The following KLHDC10 variants were observed in gnomAD, a reference collection of about 807,000 sequenced individuals.
KLHDC10 encodes kelch domain-containing protein 10.
In KLHDC10, 24 loss-of-function variants were observed where a neutral mutation model predicts 56.1. That is an observed-to-expected ratio of 0.43 (90% CI 0.31 to 0.60). The LOEUF is 0.60. Ranked by LOEUF, KLHDC10 falls within the 20% of genes least tolerant of loss-of-function variation. The probability of loss-of-function intolerance (pLI) is 0.11; values close to 1 mark genes in which losing one functional copy is unlikely to be tolerated. For missense variants in KLHDC10, 349 were observed against 567.0 expected, an observed-to-expected ratio of 0.62 and a Z score of 3.91; for synonymous variants, 188 against 207.1, an observed-to-expected ratio of 0.91 and a Z score of 0.79.
At chr7:130,117,258 G>C (rs1016601007) in intron 3 of KLHDC10, among the ~76,000 whole-genome samples, 6 of 152,188 alleles carry the variant, frequency 3.9e-5, no homozygotes, top group Non-Finnish European at 4.4e-5. Context: ...TCTTGATGTT[G>C]GTGGCAGCTG....
chr7:130,113,899 G>A (rs908973010), intron 2 of KLHDC10, among the ~76,000 whole-genome samples: 5 of 152,174 alleles, frequency 3.3e-5, no homozygotes, highest in Non-Finnish European at 7.4e-5. Flanking sequence ...GTTCCTGTCT[G>A]CTGAACATAG....
rs1796167853 is a variant in KLHDC10, at chr7:130,116,356, C to T, written c.254-89C>T. On this transcript the variant is annotated intron_variant, in intron 2 of 9. Coordinates refer to ENST00000335420, the MANE Select transcript of KLHDC10 (RefSeq NM_014997.4). This position sits in a 1 kb window ranked among gnomAD's most constrained non-coding sequence, Gnocchi z 4.8. Reference sequence around the variant, plus strand: ...CATGTTATAAATCCTTCCTGGTCCCCTTTTATGGCTAAAATGGTTGTTACC... The same window carrying T: ...CATGTTATAAATCCTTCCTGGTCCCTTTTTATGGCTAAAATGGTTGTTACC... 3 of 942,374 alleles carry T rather than the reference C, an allele frequency of 3.2e-6. No homozygotes were observed. Among genetic ancestry groups the T allele is most frequent in the African/African-American group, 1.6e-5 (1 of 61,202 alleles). The allele number at this position is 942,374 out of a possible 1,614,324, so 58.4% of individuals were successfully genotyped here.
At chr7:130,101,388 T>C (rs535913382) in intron 2 of KLHDC10, among the ~76,000 whole-genome samples, 5 of 152,172 alleles carry the variant, frequency 3.3e-5, no homozygotes, top group Non-Finnish European at 5.9e-5. Context: ...GATGCTCCTG[T>C]TGCATGGTGG....
intron 2 of KLHDC10, among the ~76,000 whole-genome samples, chr7:130,102,242 TCAGA>T (rs1377827066): frequency 2.6e-5 from 4 of 152,158 alleles, no homozygotes; most frequent in Non-Finnish European, 5.9e-5. Flanking sequence ...AGACCCACAC[TCAGA>T]CAGACCTTCC....
rs753176810 is a variant in KLHDC10, at chr7:130,124,505, T to C, written c.834T>C (p.Gly278=). The part of the protein sequence containing the change: ...DGQRIYILGG[G]TSWTAYSLNK... ...AGAGGATTTACATCTTGGGAGGTGG[T>C]ACTTCCTGGACAGCATATTCCTTAA... Residue 278 remains glycine (G), a synonymous_variant, in exon 6 of 10, where the codon GGT becomes GGC. Transcript: ENST00000335420. 4.4e-6 allele frequency: 7 copies of C among 1,598,952 alleles called. No homozygotes were observed. Among genetic ancestry groups the C allele is most frequent in the Middle Eastern group, 1.7e-4 (1 of 6,026 alleles).
chr7:130,080,141 T>C (rs1381026276), intron 1 of KLHDC10, among the ~76,000 whole-genome samples: 2 of 152,084 alleles, frequency 1.3e-5, no homozygotes, highest in East Asian at 3.9e-4. Context: ...AAGGCCTTGC[T>C]ATGTTGCCTA....
intron 1 of KLHDC10, among the ~76,000 whole-genome samples, chr7:130,074,449 C>T (rs1310986859): frequency 2.0e-5 from 3 of 152,080 alleles, no homozygotes; most frequent in Non-Finnish European, 4.4e-5. Context: ...TATACATATA[C>T]ACACATATGC....
intron 1 of KLHDC10, among the ~76,000 whole-genome samples, chr7:130,092,400 C>A (rs969435624): frequency 2.6e-5 from 4 of 152,102 alleles, no homozygotes; most frequent in Non-Finnish European, 4.4e-5. Flanking sequence ...CATGCTTGGG[C>A]CTTAGTTTTA....
chr7:130,107,912 G>A (rs1464533102), intron 2 of KLHDC10, among the ~76,000 whole-genome samples: 1 of 149,992 alleles, frequency 6.7e-6, no homozygotes, highest in Non-Finnish European at 1.5e-5. Flanking sequence ...CTACTCTGGA[G>A]GCTGAGGGTG....
chr7:130,107,958 T>C (rs1314953626), intron 2 of KLHDC10, among the ~76,000 whole-genome samples: 2 of 143,632 alleles, frequency 1.4e-5, no homozygotes, highest in Non-Finnish European at 3.0e-5. Context: ...GAGGTTGCAG[T>C]GAGGTGAGAC....
At chr7:130,119,207 C>CAA (rs34509008) in intron 3 of KLHDC10, among the ~76,000 whole-genome samples, 274 of 123,268 alleles carry the variant, frequency 2.2e-3, no homozygotes, top group Middle Eastern at 8.6e-3. Context: ...GACTCCAACT[C>CAA]AAAAAAAAAA....
At chr7:130,073,775 G>T (rs1168717058) in intron 1 of KLHDC10, among the ~76,000 whole-genome samples, 1 of 152,134 alleles carries the variant, frequency 6.6e-6, no homozygotes, top group East Asian at 1.9e-4. Flanking sequence ...TATCCATCCA[G>T]TTATGCAAAC....
intron 1 of KLHDC10, among the ~76,000 whole-genome samples, chr7:130,090,629 GAGAGATCCAT>G (rs1795758331): frequency 6.6e-6 from 1 of 151,388 alleles, no homozygotes; most frequent in Admixed American, 6.6e-5. Flanking sequence ...AAATAATACT[GAGAGATCCAT>G]ATACCCTTCC....
chr7:130,070,736 TGGGGGCAGC>T lies in KLHDC10; in HGVS notation c.99_107del (p.Ser34_Gly36del). Reference sequence around the variant, plus strand: ...GAGGTAGCGGGGCCGGCGGGGGCAGTGGGGGCAGCGGGGGTCGGGGGACTGGCCAGCTCA... The same window carrying T: ...GAGGTAGCGGGGCCGGCGGGGGCAGTGGGGGTCGGGGGACTGGCCAGCTCA... On this transcript the variant is annotated inframe_deletion, in exon 1 of 10. Transcript: ENST00000335420. 3.1e-6 allele frequency: 2 copies of T among 651,520 alleles called. No homozygotes were observed. Among genetic ancestry groups the T allele is most frequent in the South Asian group, 1.0e-4 (2 of 19,054 alleles). 40.4% of individuals were successfully genotyped at this position (651,520 alleles called of 1,614,324 possible).
In KLHDC10 at chr7:130,070,787, C is replaced by T. The variant is rs754644389; in HGVS notation, c.144C>T (p.Leu48=). The stretch of plus-strand genomic sequence containing the variant: ...GCCAGCTCAACCGCTTCGTGCAACT[C>T]TCCGGGCGGCCGCACCTGCCAGGTG... ...GTGQLNRFVQ[L]SGRPHLPGKK... is the part of the protein sequence containing the mutation. Residue 48 remains leucine (L), a synonymous_variant, in exon 1 of 10, where the codon CTC becomes CTT. Coordinates refer to ENST00000335420, the MANE Select transcript of KLHDC10 (RefSeq NM_014997.4). The T allele has an allele frequency of 7.7e-7, 1 of 1,306,912 alleles. No homozygotes were observed. Among genetic ancestry groups the T allele is most frequent in the Admixed American group, 3.1e-5 (1 of 32,596 alleles). The allele number at this position is 1,306,912 out of a possible 1,614,324, so 81.0% of individuals were successfully genotyped here.
At position 130,131,738 on chromosome 7, in the gene KLHDC10, T is replaced by C. The variant is rs1796404133; in HGVS notation, c.*992T>C. 1 of 152,222 alleles carries C rather than the reference T, an allele frequency of 6.6e-6. No homozygotes were observed. The highest frequency in any genetic ancestry group is 2.1e-4 in the South Asian group (1 of 4,838). The allele number at this position is 152,222 out of a possible 1,614,324, so 9.4% of individuals were successfully genotyped here. A position where few individuals can be genotyped will look rare whatever the true frequency, so the allele number is the denominator to read the frequency against. On this transcript the variant is annotated 3_prime_UTR_variant, in exon 10 of 10. Coordinates refer to ENST00000335420, the MANE Select transcript of KLHDC10 (RefSeq NM_014997.4). ...CTGGGCTTGTTAACTTGGCTTCCAC[T>C]CGGGCTGTGGTCTTTGGCTATCATC...
At chr7:130,128,889 A>AAAAAAAAAAAAAAAAATATATATATAT in intron 8 of KLHDC10, among the ~76,000 whole-genome samples, 5 of 66,956 alleles carry the variant, frequency 7.5e-5, no homozygotes, top group Non-Finnish European at 1.4e-4. Context: ...AAAAAAAAAA[A>AAAAAAAAAAAAAAAAATATATATATAT]ATATATATAT....
chr7:130,080,895 GTAT>G (rs2116844855), intron 1 of KLHDC10, among the ~76,000 whole-genome samples: 1 of 151,558 alleles, frequency 6.6e-6, no homozygotes, highest in Non-Finnish European at 1.5e-5. Flanking sequence ...TTCTTATTTT[GTAT>G]TATGTGAGGC....
intron 2 of KLHDC10, among the ~76,000 whole-genome samples, chr7:130,102,747 A>G (rs933808513): frequency 6.6e-6 from 1 of 152,138 alleles, no homozygotes; most frequent in African/African-American, 2.4e-5. Flanking sequence ...AATCACTTGG[A>G]CCTGGGAGGC....
Sources: gnomAD v4.1 joint callset for allele counts (sites outside exome capture counted in the v4.1 genomes callset) on GRCh38, gnomAD v4.1.1 for gene constraint, Gnocchi (gnomAD v3.1) non-coding constraint, MANE v1.5 for transcripts, NCBI Gene and HGNC (gene_info 2026-07-23, HGNC 2026-07-21) for gene names.